CCDC122: variants seen among roughly 807,000 people sequenced by gnomAD.
CCDC122 encodes coiled-coil domain-containing protein 122.
A neutral mutation model predicts 37.0 loss-of-function variants in CCDC122; 38 were observed. The ratio of observed to expected loss-of-function variants is 1.03; its 90% confidence interval spans 0.79 to 1.35. The LOEUF (loss-of-function observed/expected upper bound fraction) is 1.35. CCDC122 is among the 40% of genes most tolerant of loss of function. CCDC122 has a pLI of 0.00. For synonymous variants in CCDC122, 83 were observed against 95.6 expected (o/e 0.87, Z 0.77); for missense variants, 305 against 310.0 (o/e 0.98, Z 0.12).
rs139468814 is a variant in CCDC122, at chr13:43,841,517, T to C, written c.673-4088A>G. On this transcript the variant is annotated intron_variant, in intron 6 of 6. Coordinates refer to ENST00000444614, the MANE Select transcript of CCDC122 (RefSeq NM_144974.5). ...TAAGGGTGTTATACATCTTTTCACG[T>C]GTTTATTGGTCATACTATGTCTTCT... 9.4e-3 allele frequency among the ~76,000 whole-genome samples: 1,427 copies of C among 152,272 alleles called. 4 individuals are homozygous for C. Among genetic ancestry groups the C allele is most frequent in the Non-Finnish European group, 0.016 (1,110 of 68,016 alleles).
chr13:43,872,036 T>C (rs1023578363), intron 2 of CCDC122, among the ~76,000 whole-genome samples: 3 of 152,090 alleles, frequency 2.0e-5, no homozygotes, highest in African/African-American at 7.2e-5. Flanking sequence ...TTCAGTTGCT[T>C]GATGTCTTCT....
At chr13:43,869,234 C>A in intron 3 of CCDC122, 97 bp downstream of exon 3, 1 of 899,128 alleles carries the variant, frequency 1.1e-6, no homozygotes, top group Non-Finnish European at 1.8e-6. Context: ...TCCATCTATT[C>A]TAATTTGCTA....
intron 6 of CCDC122, among the ~76,000 whole-genome samples, chr13:43,839,000 A>C (rs1365555773): frequency 6.6e-6 from 1 of 152,216 alleles, no homozygotes; most frequent in East Asian, 1.9e-4. Flanking sequence ...TCCCTTGAGT[A>C]AGATTTACAG....
chr13:43,854,287 G>A (rs1204214467), intron 6 of CCDC122: 1 of 151,796 alleles, frequency 6.6e-6, no homozygotes, highest in East Asian at 1.9e-4. Flanking sequence ...TCAGAAATGA[G>A]GAGGATATCA....
At chr13:43,840,945 T>C (rs1036547572) in intron 6 of CCDC122, among the ~76,000 whole-genome samples, 2 of 152,210 alleles carry the variant, frequency 1.3e-5, no homozygotes, top group Non-Finnish European at 2.9e-5. Flanking sequence ...TCTAGATCCC[T>C]GAGGAATCAC....
chr13:43,847,222 C>A (rs953137010), intron 6 of CCDC122, among the ~76,000 whole-genome samples: 2 of 152,072 alleles, frequency 1.3e-5, no homozygotes, highest in African/African-American at 4.8e-5. Flanking sequence ...AAATTAGTTG[C>A]AAAATGATAC....
intron 1 of CCDC122, among the ~76,000 whole-genome samples, chr13:43,876,085 A>C (rs1468990441): frequency 1.3e-5 from 2 of 152,218 alleles, no homozygotes; most frequent in African/African-American, 2.4e-5. Flanking sequence ...ACCAGACAAC[A>C]GAAGAGGTAA....
chr13:43,843,973 C>G (rs760726740), intron 6 of CCDC122, among the ~76,000 whole-genome samples: 1 of 151,386 alleles, frequency 6.6e-6, no homozygotes. Context: ...ATGGGTTTCT[C>G]GATTTTATTA....
chr13:43,822,775 C>T (rs1321961654), downstream of CCDC122, among the ~76,000 whole-genome samples: 2 of 152,140 alleles, frequency 1.3e-5, no homozygotes, highest in African/African-American at 4.8e-5. Context: ...TCACTTAGAG[C>T]CTAAGGGCTC....
intron 4 of CCDC122, among the ~76,000 whole-genome samples, chr13:43,864,207 T>G (rs1954201680): frequency 1.3e-5 from 2 of 152,206 alleles, no homozygotes; most frequent in South Asian, 4.1e-4. Flanking sequence ...TATGTCTAGC[T>G]ATATCATATT....
chr13:43,821,882 A>G (rs765936418), downstream of CCDC122, among the ~76,000 whole-genome samples: 3 of 152,176 alleles, frequency 2.0e-5, no homozygotes, highest in Non-Finnish European at 4.4e-5. Flanking sequence ...AGAATTCTGA[A>G]TTCCCTCTCT....
Position 43,868,706 on chromosome 13 carries a change from C to T in CCDC122, c.144G>A (p.Leu48=), listed in dbSNP as rs1261024171. 2 of 1,548,308 alleles carry T rather than the reference C, an allele frequency of 1.3e-6. No homozygotes were observed. Among genetic ancestry groups the T allele is most frequent in the Non-Finnish European group, 1.7e-6 (2 of 1,145,870 alleles). ...ASEIEKNKKV[L]FNLKNELHEL... ...ATAAAGAAGTTACCTTCAAATTGAA[C>T]AGAACCTTTTTGTTTTTTTCTATCT... The change falls in exon 4 of 7, where the codon CTG becomes CTA. Residue 48 remains leucine (L), a synonymous_variant. Coordinates refer to ENST00000444614, the MANE Select transcript of CCDC122 (RefSeq NM_144974.5).
In CCDC122 at chr13:43,846,094, G is replaced by A. The variant is rs148213433; in HGVS notation, c.673-8665C>T. On this transcript the variant is annotated intron_variant, in intron 6 of 6. Transcript: ENST00000444614. ...TTTTTCTTTTTTCTTTTTTTTTTGA[G>A]ACGGAGTTTCACTATTGTCGCCCAG... is the stretch of plus-strand genomic sequence containing the variant. Among the ~76,000 whole-genome samples, 1,173 of 149,982 alleles carry A rather than the reference G, an allele frequency of 7.8e-3. 14 individuals carry two copies. The highest frequency in any genetic ancestry group is 0.028 in the African/African-American group (1,131 of 40,676).
At chr13:43,863,464 C>G (rs1338575738) in intron 4 of CCDC122, among the ~76,000 whole-genome samples, 2 of 152,074 alleles carry the variant, frequency 1.3e-5, no homozygotes, top group African/African-American at 2.4e-5. Context: ...AGTGGGCATA[C>G]ACATTTATTT....
chr13:43,830,093 C>T (rs1344211860), intron 3 of CCDC122, among the ~76,000 whole-genome samples: 1 of 152,114 alleles, frequency 6.6e-6, no homozygotes, highest in African/African-American at 2.4e-5. Flanking sequence ...CCAGGCTGGT[C>T]TTGAACTCCT....
intron 1 of CCDC122, chr13:43,879,178 C>T (rs1192500376): frequency 1.3e-5 from 2 of 152,324 alleles, no homozygotes; most frequent in Non-Finnish European, 2.9e-5. Flanking sequence ...CTCCAGCAGC[C>T]CGGCCTCACG....
chr13:43,861,762 A>G (rs190548177), intron 4 of CCDC122, among the ~76,000 whole-genome samples: 27 of 152,294 alleles, frequency 1.8e-4, no homozygotes, highest in Middle Eastern at 3.4e-3. Flanking sequence ...ACATTTTTAT[A>G]TGTATGTTTA....
chr13:43,828,384 T>G (rs548445075), intron 3 of CCDC122, among the ~76,000 whole-genome samples: 1 of 152,216 alleles, frequency 6.6e-6, no homozygotes, highest in Non-Finnish European at 1.5e-5. Flanking sequence ...CCATGAGAAC[T>G]TATACTTGCT....
At chr13:43,823,689 C>T (rs551595346), downstream of CCDC122, among the ~76,000 whole-genome samples, 6 of 152,220 alleles carry the variant, frequency 3.9e-5, no homozygotes, top group Non-Finnish European at 8.8e-5. Context: ...TGCGTGGGCG[C>T]TAGGTGAGCC....
Sources: gnomAD v4.1 joint callset for allele counts (sites outside exome capture counted in the v4.1 genomes callset) on GRCh38, gnomAD v4.1.1 for gene constraint, MANE v1.5 for transcripts, NCBI Gene and HGNC (gene_info 2026-07-23, HGNC 2026-07-21) for gene names.